SORCS2: variants seen among roughly 807,000 people sequenced by gnomAD.
SORCS2 encodes the protein sortilin related VPS10 domain containing receptor 2, also known as VPS10 domain-containing receptor SorCS2.
Under a neutral mutation model 141.6 loss-of-function variants are expected in SORCS2, and 100 were observed. The observed-to-expected ratio is 0.71, with a 90% CI of 0.60 to 0.83. SORCS2 has a LOEUF of 0.83. Among genes scored for constraint, SORCS2 ranks in the 40% least tolerant of loss-of-function variants. SORCS2 has a pLI of 0.00. For synonymous variants in SORCS2, 789 were observed against 676.9 expected (o/e 1.17, Z -2.57); for missense variants, 1,646 against 1,560.2 (o/e 1.05, Z -0.93).
intron 2 of SORCS2, among the ~76,000 whole-genome samples, chr4:7,452,621 G>A (rs955908743): frequency 6.6e-6 from 1 of 152,236 alleles, no homozygotes; most frequent in Non-Finnish European, 1.5e-5. Flanking sequence ...GACCCACGAG[G>A]GCACGGGCAA....
chr4:7,490,818 C>T (rs13122920), intron 2 of SORCS2, among the ~76,000 whole-genome samples: 63,558 of 152,006 alleles, frequency 0.42, 14,003 homozygotes, highest in Middle Eastern at 0.49. Flanking sequence ...GGGGTGTCCC[C>T]GCTGCACTCC....
intron 2 of SORCS2, among the ~76,000 whole-genome samples, chr4:7,445,010 GGGGAGCAGAGGGA>G (rs933859839): frequency 1.3e-5 from 2 of 152,230 alleles, no homozygotes; most frequent in African/African-American, 4.8e-5. Flanking sequence ...GATCCAGGGC[GGGGAGCAGAGGGA>G]GGGCGGGGAG....
intron 3 of SORCS2, among the ~76,000 whole-genome samples, chr4:7,555,640 T>TA (rs1199162336): frequency 3.3e-5 from 5 of 152,282 alleles, no homozygotes; most frequent in South Asian, 2.1e-4. Flanking sequence ...GACGTTGATT[T>TA]AAAAAAATGC....
chr4:7,700,249 T>C (rs947194108), intron 12 of SORCS2, among the ~76,000 whole-genome samples: 2 of 152,360 alleles, frequency 1.3e-5, no homozygotes, highest in African/African-American at 4.8e-5. Flanking sequence ...CAAAATGTCA[T>C]TTGTCCACAA....
chr4:7,312,254 G>T (rs527671552), intron 1 of SORCS2, among the ~76,000 whole-genome samples: 13 of 152,322 alleles, frequency 8.5e-5, no homozygotes, highest in Admixed American at 2.0e-4. Flanking sequence ...CAGTGTTTTT[G>T]TCTGTGCATT....
At chr4:7,208,279 C>A (rs115245137) in intron 1 of SORCS2, among the ~76,000 whole-genome samples, 4,517 of 152,258 alleles carry the variant, frequency 0.03, 234 homozygotes, top group African/African-American at 0.1. Flanking sequence ...CGGGACTGAA[C>A]TCGCCTTGCC....
At chr4:7,361,514 T>C (rs1242442332) in intron 1 of SORCS2, among the ~76,000 whole-genome samples, 1 of 152,070 alleles carries the variant, frequency 6.6e-6, no homozygotes, top group African/African-American at 2.4e-5. Flanking sequence ...CTGGGCCGCC[T>C]GACATGGGCT....
At chr4:7,287,344 C>T (rs979744929) in intron 1 of SORCS2, among the ~76,000 whole-genome samples, 3 of 152,216 alleles carry the variant, frequency 2.0e-5, no homozygotes, top group Non-Finnish European at 4.4e-5. Context: ...CCTGGGTCCT[C>T]CCGTCTGGGT....
At position 7,366,269 on chromosome 4, in the gene SORCS2, C is replaced by A. The variant is rs1223068303; in HGVS notation, c.481-30019C>A. ...CCTTCCTCTCTCTCTCTCAGTCCTG[C>A]CCCTGCCCTCTTTTTTAAACCTGTG... On this transcript the variant is annotated intron_variant, in intron 1 of 26. Coordinates refer to ENST00000507866, the MANE Select transcript of SORCS2 (RefSeq NM_020777.3). Among the ~76,000 whole-genome samples, 7 of 151,928 alleles carry A rather than the reference C, an allele frequency of 4.6e-5. No homozygotes were observed. In the East Asian group the frequency reaches 1.4e-3, roughly 30 times the overall value.
At position 7,192,881 on chromosome 4, in the gene SORCS2, G is replaced by A. The variant is rs1305255915; in HGVS notation, c.235G>A (p.Gly79Ser). The A allele has an allele frequency of 2.7e-5, 30 of 1,106,352 alleles. No homozygotes were observed. In the East Asian group the frequency reaches 7.6e-4, roughly 28 times the overall value. The allele number at this position is 1,106,352 out of a possible 1,614,324, so 68.5% of individuals were successfully genotyped here. A position where few individuals can be genotyped will look rare whatever the true frequency, so the allele number is the denominator to read the frequency against. Residue 79 changes from glycine to serine, a missense_variant, in exon 1 of 27, where the codon GGT becomes AGT. Transcript: ENST00000507866. The surrounding 1 kb of genome is among the most constrained non-coding windows in gnomAD (Gnocchi z 4.0). The stretch of plus-strand genomic sequence containing the variant: ...CCCTCCCGCGGGGCGCGCGGAGCCC[G>A]GTGGCGGCGAGGACCGGCAGGCGCG... ...RSPPAGRAEPGGGEDRQARGT... is the reference protein window; with the variant it reads ...RSPPAGRAEPSGGEDRQARGT...
chr4:7,534,874 G>T (rs1711981424), intron 3 of SORCS2, among the ~76,000 whole-genome samples: 1 of 152,246 alleles, frequency 6.6e-6, no homozygotes, highest in East Asian at 1.9e-4. Flanking sequence ...GTGATTTGTT[G>T]CAGCAGCCAC....
At chr4:7,454,381 T>C (rs1452581582) in intron 2 of SORCS2, among the ~76,000 whole-genome samples, 3 of 121,500 alleles carry the variant, frequency 2.5e-5, no homozygotes, top group African/African-American at 9.8e-5. Flanking sequence ...TGTGTTGGGG[T>C]CAGGTGCTGT....
At chr4:7,203,582 C>G (rs907367813) in intron 1 of SORCS2, among the ~76,000 whole-genome samples, 1 of 148,550 alleles carries the variant, frequency 6.7e-6, no homozygotes, top group Non-Finnish European at 1.5e-5. Flanking sequence ...CCACTGCACT[C>G]TGGCCTGGGC....
intron 1 of SORCS2, among the ~76,000 whole-genome samples, chr4:7,271,908 G>A (rs1026533478): frequency 2.6e-5 from 4 of 152,254 alleles, no homozygotes; most frequent in East Asian, 1.9e-4. Context: ...CCAGGTGGGC[G>A]ATGGGCTCTG....
chr4:7,355,697 A>G (rs1721207381), intron 1 of SORCS2, among the ~76,000 whole-genome samples: 1 of 152,246 alleles, frequency 6.6e-6, no homozygotes, highest in Non-Finnish European at 1.5e-5. Context: ...CCCAGAGCGC[A>G]TGAAACCTTG....
At chr4:7,626,013 A>C (rs1296527687) in intron 3 of SORCS2, among the ~76,000 whole-genome samples, 1 of 152,000 alleles carries the variant, frequency 6.6e-6, no homozygotes, top group Non-Finnish European at 1.5e-5. Context: ...ATGGTGGTAC[A>C]CACGCGCCTG....
intron 1 of SORCS2, among the ~76,000 whole-genome samples, chr4:7,326,791 G>A (rs1030420723): frequency 2.0e-5 from 3 of 151,056 alleles, no homozygotes; most frequent in Non-Finnish European, 3.0e-5. Flanking sequence ...CCAAGCTTCC[G>A]CAGGCCCAGT....
chr4:7,411,903 C>A (rs769873921), intron 2 of SORCS2, among the ~76,000 whole-genome samples: 19 of 152,198 alleles, frequency 1.2e-4, no homozygotes, highest in Non-Finnish European at 2.5e-4. Flanking sequence ...TTAAAGCTGC[C>A]CTCCCTACAT....
At chr4:7,694,126 TG>T (rs1724443018) in intron 11 of SORCS2, among the ~76,000 whole-genome samples, 1 of 152,218 alleles carries the variant, frequency 6.6e-6, no homozygotes, top group Admixed American at 6.5e-5. Context: ...CTCTGTTTTC[TG>T]GCTGCAGGGG....
Sources: allele counts gnomAD v4.1 joint callset (sites outside exome capture counted in the v4.1 genomes callset), GRCh38; gene constraint gnomAD v4.1.1; non-coding constraint Gnocchi (gnomAD v3.1); transcripts MANE v1.5; gene names NCBI Gene and HGNC (gene_info 2026-07-23, HGNC 2026-07-21).